Variants in SPTBN2 observed in about 807,000 individuals in gnomAD.
The protein encoded by SPTBN2 is spectrin beta, non-erythrocytic 2.
SPTBN2 carries 107 observed loss-of-function variants against 284.2 expected under a neutral mutation model. The ratio of observed to expected loss-of-function variants is 0.38; its 90% confidence interval spans 0.32 to 0.44. The LOEUF is 0.44. Among genes scored for constraint, SPTBN2 ranks in the 20% least tolerant of loss-of-function variants. The pLI is 1.00. For missense variants in SPTBN2, 2,569 were observed against 3,287.1 expected (o/e 0.78, Z 5.34); for synonymous variants, 1,289 against 1,354.8 (o/e 0.95, Z 1.07).
In SPTBN2 at chr11:66,682,903, C is replaced by CA. The variant is rs1939877933; in HGVS notation, c.*2967dup. On this transcript the variant is annotated 3_prime_UTR_variant, in exon 38 of 38. Coordinates refer to ENST00000533211, the MANE Select transcript of SPTBN2 (RefSeq NM_006946.4). ...TCAGCCTCCCAAGTAGCTGAGACTA[C>CA]AGGCACATGCCACTACACCTGGCTA... 6.6e-6 allele frequency among the ~76,000 whole-genome samples: 1 copy of CA among 151,814 alleles called. No homozygotes were observed. Among genetic ancestry groups the CA allele is most frequent in the South Asian group, 2.1e-4 (1 of 4,810 alleles).
At chr11:66,702,367 ATCTTGGCCAGGCTGG>A (rs1313768655) in intron 15 of SPTBN2, among the ~76,000 whole-genome samples, 2 of 152,098 alleles carry the variant, frequency 1.3e-5, no homozygotes, top group East Asian at 3.9e-4. Flanking sequence ...GTGTTTCACT[ATCTTGGCCAGGCTGG>A]TCTTGAACTC....
At chr11:66,742,179 A>T (rs938074216) in intron 1 of SPTBN2, among the ~76,000 whole-genome samples, 6 of 152,228 alleles carry the variant, frequency 3.9e-5, no homozygotes, top group African/African-American at 1.4e-4. Context: ...CAAAGATAAC[A>T]TCTTTCTTAC....
chr11:66,708,130 T>G lies in SPTBN2; in HGVS notation c.1350+11A>C, dbSNP rs1243519992. The G allele has an allele frequency of 1.9e-6, 3 of 1,613,078 alleles. No homozygotes were observed. The highest frequency in any genetic ancestry group is 2.5e-6 in the Non-Finnish European group (3 of 1,179,912). On this transcript the variant is annotated intron_variant, in intron 12 of 37. Transcript: ENST00000533211. This position sits in a 1 kb window ranked among gnomAD's most constrained non-coding sequence, Gnocchi z 4.4. ...GACCAGCCTAAGCATCCTAGGAGCC[T>G]CAAGTCCTACCTGGGACACGAGGCG...
At chr11:66,719,337 G>A (rs1942288797) in intron 3 of SPTBN2, among the ~76,000 whole-genome samples, 1 of 152,174 alleles carries the variant, frequency 6.6e-6, no homozygotes, top group South Asian at 2.1e-4. Flanking sequence ...GCCCCCAGAC[G>A]CCCCGCTGCT....
At chr11:66,698,316 G>A (rs11823888) in intron 20 of SPTBN2, among the ~76,000 whole-genome samples, 1,674 of 152,308 alleles carry the variant, frequency 0.011, 43 homozygotes, top group African/African-American at 0.038. Flanking sequence ...TGACCATCCA[G>A]CCCAAGCCCT....
At chr11:66,714,470 G>T in intron 5 of SPTBN2, 63 bp from the exon 6 acceptor site, 1 of 1,386,198 alleles carries the variant, frequency 7.2e-7, no homozygotes, top group Non-Finnish European at 1.0e-6. Context: ...TATCAGAGAT[G>T]CTCAGATAAA....
chr11:66,686,661 C>G (rs370928389), intron 36 of SPTBN2: 1 of 643,944 alleles, frequency 1.6e-6, no homozygotes, highest in African/African-American at 1.8e-5. Context: ...ACTTCCACCC[C>G]AGCCCGGGCC....
intron 22 of SPTBN2, 37 bp downstream of exon 22, chr11:66,694,102 T>G: frequency 6.3e-7 from 1 of 1,598,270 alleles, no homozygotes; most frequent in Non-Finnish European, 8.5e-7. Flanking sequence ...ACCACATGGC[T>G]GGGGGCAGCT....
At position 66,718,051 on chromosome 11, in the gene SPTBN2, T is replaced by G. The variant is rs967011658; in HGVS notation, c.158-2070A>C. ...CCTGGGCCTGGCTCACCCCTCCGCCTCCCCTAACTGTCCTGGCCAGCGCTC... is the reference window on the plus strand; with the variant it reads ...CCTGGGCCTGGCTCACCCCTCCGCCGCCCCTAACTGTCCTGGCCAGCGCTC... On this transcript the variant is annotated intron_variant, in intron 3 of 37. Coordinates refer to ENST00000533211, the MANE Select transcript of SPTBN2 (RefSeq NM_006946.4). This position sits in a 1 kb window ranked among gnomAD's most constrained non-coding sequence, Gnocchi z 4.8. 2.0e-5 allele frequency among the ~76,000 whole-genome samples: 3 copies of G among 151,748 alleles called. No homozygotes were observed. The highest frequency in any genetic ancestry group is 2.9e-5 in the Non-Finnish European group (2 of 67,920).
rs771161581 is a variant in SPTBN2 at position 66,701,545 on chromosome 11, T to G, written c.2816+39A>C. On this transcript the variant is annotated intron_variant, in intron 16 of 37. Transcript: ENST00000533211. ...CTCACTGCCATCCCCATTGCTTCAT[T>G]TTTCTGTCAGTTTCCTGGTCCTGCC... 9.3e-6 allele frequency: 15 copies of G among 1,613,964 alleles called. No homozygotes were observed. The East Asian group carries it at 3.3e-4, about 36-fold the overall frequency.
chr11:66,705,601 C>A, intron 14 of SPTBN2, 83 bp downstream of exon 14: 1 of 1,603,264 alleles, frequency 6.2e-7, no homozygotes. Context: ...TTCCCGTCCC[C>A]AGGTTTCCCA....
At chr11:66,735,792 T>A (rs560400308) in intron 1 of SPTBN2, among the ~76,000 whole-genome samples, 1 of 152,290 alleles carries the variant, frequency 6.6e-6, no homozygotes. Context: ...AATGTCAGAT[T>A]GCGTTATCTT....
At chr11:66,689,527 C>T (rs1025779582) in intron 29 of SPTBN2, among the ~76,000 whole-genome samples, 1 of 151,832 alleles carries the variant, frequency 6.6e-6, no homozygotes, top group African/African-American at 2.4e-5. Context: ...TGGTCTCGAA[C>T]TCGTGACCTC....
In SPTBN2 at chr11:66,700,778, A is replaced by G. The variant is rs1017776136; in HGVS notation, c.3321T>C (p.His1107=). ...GCTCCACCTCTCCCCGCAGGGCTGC[A>G]TGTTGGGCCAGGAGGGCCTCTGCCT... ...LPEAEALLAQ[H]AALRGEVERA... is the part of the protein sequence containing the mutation. Residue 1107 remains histidine (H), a synonymous_variant, in exon 17 of 38, where the codon CAT becomes CAC. Coordinates refer to ENST00000533211, the MANE Select transcript of SPTBN2 (RefSeq NM_006946.4). The surrounding 1 kb of genome is among the most constrained non-coding windows in gnomAD (Gnocchi z 6.6). 6.2e-7 allele frequency: 1 copy of G among 1,601,844 alleles called. No individual in the cohort carries two copies. Among genetic ancestry groups the G allele is most frequent in the Non-Finnish European group, 8.5e-7 (1 of 1,179,798 alleles).
At chr11:66,711,897 G>C (rs983512149) in intron 8 of SPTBN2, among the ~76,000 whole-genome samples, 5 of 152,244 alleles carry the variant, frequency 3.3e-5, no homozygotes, top group African/African-American at 1.2e-4. Flanking sequence ...GCAGTAAAAA[G>C]GCCCAGGTGA....
At chr11:66,696,244 G>A (rs1272058816) in intron 21 of SPTBN2, 33 bp downstream of exon 21, 1 of 1,606,054 alleles carries the variant, frequency 6.2e-7, no homozygotes, top group Admixed American at 1.7e-5. Flanking sequence ...TTCTTCTGCT[G>A]TTCACCATCC....
chr11:66,701,457 A>T (rs1941243259), intron 16 of SPTBN2, 127 bp downstream of exon 16: 1 of 1,558,542 alleles, frequency 6.4e-7, no homozygotes, highest in African/African-American at 1.4e-5. Flanking sequence ...CTTCCCCAAC[A>T]TATTCCAGAC....
chr11:66,734,609 T>G (rs773972984), intron 1 of SPTBN2, among the ~76,000 whole-genome samples: 1 of 152,212 alleles, frequency 6.6e-6, no homozygotes, highest in Non-Finnish European at 1.5e-5. Context: ...AAGCCCTCCT[T>G]GAGCTCCAAG....
In SPTBN2 at chr11:66,704,843, T is replaced by C; in HGVS notation, c.2433A>G (p.Ala811=). The C allele has an allele frequency of 6.2e-7, 1 of 1,608,824 alleles. No homozygotes were observed. Reference sequence around the variant, plus strand: ...TGCGGCTCAGTGTGGGGGGCAGGGCTGCTGCCTGTTCCCTCAAGGCGTCCA... The same window carrying C: ...TGCGGCTCAGTGTGGGGGGCAGGGCCGCTGCCTGTTCCCTCAAGGCGTCCA... The part of the protein sequence containing the change: ...PTLDALREQA[A]ALPPTLSRTP... Residue 811 remains alanine (A), a synonymous_variant, in exon 15 of 38, where the codon GCA becomes GCG. Transcript: ENST00000533211.
Sources: allele counts gnomAD v4.1 joint callset (sites outside exome capture counted in the v4.1 genomes callset), GRCh38; gene constraint gnomAD v4.1.1; non-coding constraint Gnocchi (gnomAD v3.1); transcripts MANE v1.5; gene names NCBI Gene and HGNC (gene_info 2026-07-23, HGNC 2026-07-21).